PLXDC2: variants seen among roughly 807,000 people sequenced by gnomAD.
PLXDC2 encodes the protein plexin domain-containing protein 2.
A neutral mutation model predicts 68.9 loss-of-function variants in PLXDC2; 40 were observed. The observed-to-expected ratio is 0.58, with a 90% CI of 0.45 to 0.76. PLXDC2 has a LOEUF of 0.76. Among genes scored for constraint, PLXDC2 ranks in the 30% least tolerant of loss-of-function variants. The pLI, the probability that PLXDC2 is intolerant of heterozygous loss-of-function variation, is 0.00. For synonymous variants in PLXDC2, 243 were observed against 234.2 expected, an observed-to-expected ratio of 1.04 and a Z score of -0.34; for missense variants, 644 against 661.9, an observed-to-expected ratio of 0.97 and a Z score of 0.30.
At chr10:19,950,596 A>G (rs1833976055) in intron 1 of PLXDC2, among the ~76,000 whole-genome samples, 1 of 152,230 alleles carries the variant, frequency 6.6e-6, no homozygotes, top group Non-Finnish European at 1.5e-5. Context: ...TACAGATTCA[A>G]CTCTATTCCT....
intron 7 of PLXDC2, 77 bp downstream of exon 7, chr10:20,164,644 G>A: frequency 9.1e-7 from 1 of 1,095,220 alleles, no homozygotes; most frequent in Non-Finnish European, 1.4e-6. Flanking sequence ...TATGGCAGCT[G>A]TACCTGAATT....
chr10:20,241,249 G>A lies in PLXDC2; in HGVS notation c.1313-4096G>A, dbSNP rs528604218. 3.3e-5 allele frequency among the ~76,000 whole-genome samples: 5 copies of A among 152,320 alleles called. 1 individual carries two copies. The highest frequency in any genetic ancestry group is 1.2e-4 in the African/African-American group (5 of 41,562). On this transcript the variant is annotated intron_variant, in intron 12 of 13. Coordinates refer to ENST00000377252, the MANE Select transcript of PLXDC2 (RefSeq NM_032812.9). ...GGTAGCGAGGTTTACCACACTCAAGGTGCAAATCTGGTTATGGTTGTTATA... is the reference window on the plus strand; with the variant it reads ...GGTAGCGAGGTTTACCACACTCAAGATGCAAATCTGGTTATGGTTGTTATA...
chr10:19,862,876 G>C (rs888304603), intron 1 of PLXDC2, among the ~76,000 whole-genome samples: 3 of 152,192 alleles, frequency 2.0e-5, no homozygotes, highest in Non-Finnish European at 4.4e-5. Flanking sequence ...TAGAAGTGTG[G>C]AGGTGAGTTC....
intron 1 of PLXDC2, among the ~76,000 whole-genome samples, chr10:19,919,203 A>G (rs1833418486): frequency 6.6e-6 from 1 of 152,238 alleles, no homozygotes; most frequent in Admixed American, 6.5e-5. Flanking sequence ...CTGCTTTTCA[A>G]TTAATACAGT....
At chr10:20,002,098 T>C (rs1394388845) in intron 2 of PLXDC2, 112 bp downstream of exon 2, 1 of 1,098,222 alleles carries the variant, frequency 9.1e-7, no homozygotes, top group Non-Finnish European at 1.3e-6. Flanking sequence ...AAATTTTGGA[T>C]TTCTTTTAAA....
chr10:19,900,992 T>C (rs1297302410), intron 1 of PLXDC2, among the ~76,000 whole-genome samples: 3 of 126,884 alleles, frequency 2.4e-5, no homozygotes, highest in African/African-American at 7.9e-5. Context: ...TGTGTGTGTG[T>C]GTGTGTGTGT....
chr10:20,199,528 A>G (rs906893210), intron 9 of PLXDC2, among the ~76,000 whole-genome samples: 78 of 152,000 alleles, frequency 5.1e-4, no homozygotes, highest in African/African-American at 1.8e-3. Context: ...AGAAATGACT[A>G]TTTAAGAAAT....
intron 12 of PLXDC2, among the ~76,000 whole-genome samples, chr10:20,235,098 C>G (rs540040427): frequency 6.6e-6 from 1 of 152,156 alleles, no homozygotes; most frequent in Non-Finnish European, 1.5e-5. Flanking sequence ...GATTCTATAT[C>G]CTATGTCCAA....
intron 1 of PLXDC2, among the ~76,000 whole-genome samples, chr10:19,993,185 T>C (rs1834779220): frequency 6.6e-6 from 1 of 152,214 alleles, no homozygotes; most frequent in Non-Finnish European, 1.5e-5. Context: ...TAATCATTAA[T>C]ACAGTTTTAT....
intron 1 of PLXDC2, among the ~76,000 whole-genome samples, chr10:19,992,036 T>C (rs1834759713): frequency 6.6e-6 from 1 of 152,206 alleles, no homozygotes; most frequent in Non-Finnish European, 1.5e-5. Flanking sequence ...TAAAGATGAA[T>C]AGCAGTGTGA....
chr10:19,921,358 A>T (rs1443664105), intron 1 of PLXDC2, among the ~76,000 whole-genome samples: 1 of 152,096 alleles, frequency 6.6e-6, no homozygotes, highest in African/African-American at 2.4e-5. Context: ...AGGATATATG[A>T]TTTTGTAGAT....
chr10:20,135,315 A>T (rs936521047), intron 4 of PLXDC2, among the ~76,000 whole-genome samples: 1 of 152,240 alleles, frequency 6.6e-6, no homozygotes, highest in Non-Finnish European at 1.5e-5. Flanking sequence ...AAGGGTTGGC[A>T]TGCATAGTCT....
intron 2 of PLXDC2, among the ~76,000 whole-genome samples, chr10:20,027,643 C>G (rs549625683): frequency 6.0e-5 from 9 of 149,502 alleles, no homozygotes; most frequent in African/African-American, 2.0e-4. Context: ...GTCCATTGCA[C>G]TTTTGAAGAT....
At chr10:20,273,424 TCACTCCTG>T (rs1835964531) in intron 13 of PLXDC2, among the ~76,000 whole-genome samples, 2 of 152,176 alleles carry the variant, frequency 1.3e-5, no homozygotes, top group African/African-American at 4.8e-5. Flanking sequence ...TGAAAAGGAT[TCACTCCTG>T]GTGTCAGATA....
chr10:19,972,030 A>T (rs1479924883), intron 1 of PLXDC2, among the ~76,000 whole-genome samples: 1 of 152,034 alleles, frequency 6.6e-6, no homozygotes, highest in South Asian at 2.1e-4. Context: ...TTACCTGGGG[A>T]ATGGGAGAGC....
At chr10:19,991,742 T>G (rs187542942) in intron 1 of PLXDC2, among the ~76,000 whole-genome samples, 1 of 152,186 alleles carries the variant, frequency 6.6e-6, no homozygotes, top group African/African-American at 2.4e-5. Flanking sequence ...TCTGGCAGCC[T>G]AGATTTAATA....
chr10:19,922,363 G>A (rs1833474244), intron 1 of PLXDC2, among the ~76,000 whole-genome samples: 1 of 152,232 alleles, frequency 6.6e-6, no homozygotes, highest in African/African-American at 2.4e-5. Flanking sequence ...GGTTATGTGT[G>A]TGTGTTGGTG....
At chr10:20,177,248 T>C in intron 8 of PLXDC2, 80 bp from the exon 9 acceptor site, 1 of 1,385,120 alleles carries the variant, frequency 7.2e-7, no homozygotes, top group South Asian at 1.2e-5. Context: ...GGGGCAGTGA[T>C]TTTTATTCTG....
intron 7 of PLXDC2, among the ~76,000 whole-genome samples, chr10:20,175,815 C>T (rs905748399): frequency 6.6e-6 from 1 of 152,032 alleles, no homozygotes; most frequent in Non-Finnish European, 1.5e-5. Flanking sequence ...CAGTGGGAGA[C>T]CCTGTCTCAA....
Sources: gnomAD v4.1 joint callset for allele counts (sites outside exome capture counted in the v4.1 genomes callset) on GRCh38, gnomAD v4.1.1 for gene constraint, MANE v1.5 for transcripts, NCBI Gene and HGNC (gene_info 2026-07-23, HGNC 2026-07-21) for gene names.